CTDSPL2: variants seen among roughly 807,000 people sequenced by gnomAD.
CTDSPL2 encodes the protein CTD small phosphatase-like protein 2.
A neutral mutation model predicts 60.0 loss-of-function variants in CTDSPL2; 5 were observed. The observed-to-expected ratio is 0.08, with a 90% CI of 0.04 to 0.18. The LOEUF (loss-of-function observed/expected upper bound fraction) is 0.18, where lower values mean the gene tolerates loss of function less well. Among genes scored for constraint, CTDSPL2 ranks in the 10% least tolerant of loss-of-function variants. The pLI, the probability that CTDSPL2 is intolerant of heterozygous loss-of-function variation, is 1.00. For synonymous variants in CTDSPL2, 186 were observed against 189.3 expected, an observed-to-expected ratio of 0.98 and a Z score of 0.14; for missense variants, 370 against 548.8, an observed-to-expected ratio of 0.67 and a Z score of 3.26.
intron 11 of CTDSPL2, chr15:44,519,553 TATCAGTTATTAA>T (rs1351321946): frequency 3.8e-5 from 11 of 288,936 alleles, no homozygotes; most frequent in Non-Finnish European, 5.7e-5. Context: ...ATAGCATTCT[TATCAGTTATTAA>T]ATCAGTAATT....
chr15:44,506,329 G>A (rs1595768828), intron 8 of CTDSPL2, among the ~76,000 whole-genome samples: 2 of 150,620 alleles, frequency 1.3e-5, no homozygotes, highest in South Asian at 4.2e-4. Flanking sequence ...GAGCCACCAT[G>A]CCCAGCCCCA....
At chr15:44,502,899 C>A (rs1297847891) in intron 8 of CTDSPL2, among the ~76,000 whole-genome samples, 2 of 151,890 alleles carry the variant, frequency 1.3e-5, no homozygotes, top group African/African-American at 4.8e-5. Context: ...GATACGTACT[C>A]TTCTTTTGGT....
chr15:44,476,943 G>A (rs1391280532), intron 2 of CTDSPL2, among the ~76,000 whole-genome samples: 1 of 152,132 alleles, frequency 6.6e-6, no homozygotes. Flanking sequence ...ACAACACAAG[G>A]TTGGGCACCA....
intron 4 of CTDSPL2, 71 bp downstream of exon 4, chr15:44,486,771 T>C: frequency 8.1e-7 from 1 of 1,227,368 alleles, no homozygotes; most frequent in Non-Finnish European, 1.1e-6. Context: ...TTTTTTTTTT[T>C]TTTTTCTTGA....
rs778409363 is a variant in CTDSPL2 at position 44,521,355 on chromosome 15, T to G, written c.1284T>G (p.Asn428Lys). The change falls in exon 12 of 13, where the codon AAT becomes AAG. Residue 428 changes from asparagine (N) to lysine (K), a missense_variant. By Grantham distance (94) the Asn-to-Lys change is moderately conservative. Transcript: ENST00000260327. ...IPIESWFMDK[N>K]DNELLKLIPF... ...TAGAAAGTTGGTTTATGGATAAAAA[T>G]GACAATGAACTCCTAAAATTGATTC... 4 of 1,592,422 alleles carry G rather than the reference T, an allele frequency of 2.5e-6. No individual in the cohort carries two copies. The South Asian group carries it at 4.5e-5, about 18-fold the overall frequency.
chr15:44,525,454 G>C lies in CTDSPL2; in HGVS notation c.*1280G>C. On this transcript the variant is annotated 3_prime_UTR_variant, in exon 13 of 13. Transcript: ENST00000260327. ...AGGCTTTTTATGGAAGGTAGAATTTGTAAAAGTTCGTATGCTTTGCCTCTC... is the reference window on the plus strand; with the variant it reads ...AGGCTTTTTATGGAAGGTAGAATTTCTAAAAGTTCGTATGCTTTGCCTCTC... 2.5e-6 allele frequency: 1 copy of C among 398,868 alleles called. No individual in the cohort carries two copies. The allele number at this position is 398,868 out of a possible 1,614,324, so 24.7% of individuals were successfully genotyped here.
intron 2 of CTDSPL2, among the ~76,000 whole-genome samples, chr15:44,478,784 C>G (rs900238366): frequency 2.0e-5 from 3 of 151,938 alleles, no homozygotes; most frequent in African/African-American, 7.3e-5. Flanking sequence ...GAGTTCAAGA[C>G]CAGCCTGACC....
chr15:44,448,317 C>T, intron 1 of CTDSPL2: 1 of 270,236 alleles, frequency 3.7e-6, no homozygotes, highest in Non-Finnish European at 7.5e-6. Flanking sequence ...GGCCCATGCG[C>T]TCCCTGTGGG....
rs1218791117 is a variant in CTDSPL2 at position 44,527,501 on chromosome 15, G to C, written c.*3327G>C. 6.6e-6 allele frequency: 1 copy of C among 152,060 alleles called. No individual in the cohort carries two copies. The highest frequency in any genetic ancestry group is 2.4e-5 in the African/African-American group (1 of 41,428). The allele number at this position is 152,060 out of a possible 1,614,324, so 9.4% of individuals were successfully genotyped here. On this transcript the variant is annotated 3_prime_UTR_variant, in exon 13 of 13. Coordinates refer to ENST00000260327, the MANE Select transcript of CTDSPL2 (RefSeq NM_016396.3). ...CCTGCGAGCACAGAATTCTTCATAA[G>C]GACCAGATCTCTTCCATGTCTGTGT...
At chr15:44,506,710 C>G (rs906452180) in intron 8 of CTDSPL2, among the ~76,000 whole-genome samples, 4 of 144,746 alleles carry the variant, frequency 2.8e-5, no homozygotes, top group Admixed American at 2.1e-4. Flanking sequence ...CCACCGTGCC[C>G]TGCCTGTACT....
At chr15:44,478,856 C>T (rs932388317) in intron 2 of CTDSPL2, among the ~76,000 whole-genome samples, 1 of 152,000 alleles carries the variant, frequency 6.6e-6, no homozygotes, top group African/African-American at 2.4e-5. Context: ...GTGGCAGGCA[C>T]CTGTAATCCC....
chr15:44,496,991 TA>T, intron 6 of CTDSPL2, 35 bp from the exon 7 acceptor site: 1 of 1,286,782 alleles, frequency 7.8e-7, no homozygotes, highest in Non-Finnish European at 1.1e-6. Flanking sequence ...GTATAAAAAG[TA>T]AAATGTTGAA....
chr15:44,502,702 T>G (rs1245950602), intron 8 of CTDSPL2, among the ~76,000 whole-genome samples: 2 of 152,208 alleles, frequency 1.3e-5, no homozygotes, highest in African/African-American at 2.4e-5. Flanking sequence ...TACAGTAAAT[T>G]TACATATTCA....
chr15:44,502,024 G>C (rs1415518485), intron 8 of CTDSPL2: 3 of 451,484 alleles, frequency 6.6e-6, no homozygotes, highest in African/African-American at 4.0e-5. Flanking sequence ...TGATCTAAGA[G>C]ATATTGGAGA....
At chr15:44,501,059 T>A (rs924331345) in intron 8 of CTDSPL2, among the ~76,000 whole-genome samples, 1 of 152,152 alleles carries the variant, frequency 6.6e-6, no homozygotes, top group Non-Finnish European at 1.5e-5. Context: ...TCAAATTTGT[T>A]GTTCTTGTTT....
At chr15:44,522,896 A>G (rs965255586) in intron 12 of CTDSPL2, among the ~76,000 whole-genome samples, 3 of 152,234 alleles carry the variant, frequency 2.0e-5, no homozygotes, top group South Asian at 4.1e-4. Flanking sequence ...TTAAAGACCA[A>G]TGTAGAAAGT....
chr15:44,472,932 A>G (rs1370131224), intron 2 of CTDSPL2, among the ~76,000 whole-genome samples: 3 of 152,198 alleles, frequency 2.0e-5, no homozygotes, highest in African/African-American at 4.8e-5. Context: ...AAGTGCTGGG[A>G]TTACAGGCTT....
At chr15:44,449,501 T>G (rs2080290670) in intron 1 of CTDSPL2, among the ~76,000 whole-genome samples, 1 of 152,064 alleles carries the variant, frequency 6.6e-6, no homozygotes, top group South Asian at 2.1e-4. Flanking sequence ...GCTAATTTTT[T>G]TGTATTGTTA....
At chr15:44,478,289 A>G (rs1044837969) in intron 2 of CTDSPL2, among the ~76,000 whole-genome samples, 1 of 151,460 alleles carries the variant, frequency 6.6e-6, no homozygotes, top group African/African-American at 2.4e-5. Flanking sequence ...CTACTAAAAA[A>G]GAAAATACAA....
Sources: allele counts gnomAD v4.1 joint callset (sites outside exome capture counted in the v4.1 genomes callset), GRCh38; gene constraint gnomAD v4.1.1; transcripts MANE v1.5; gene names NCBI Gene and HGNC (gene_info 2026-07-23, HGNC 2026-07-21).